TPPP: variants seen among roughly 807,000 people sequenced by gnomAD.
TPPP encodes tubulin polymerization promoting protein.
A neutral mutation model predicts 15.5 loss-of-function variants in TPPP; 6 were observed. The observed-to-expected ratio is 0.39, with a 90% confidence interval of 0.21 to 0.77. TPPP has a LOEUF of 0.77. TPPP is among the 30% of genes least tolerant of loss of function. The pLI is 0.42. For synonymous variants in TPPP, 146 were observed against 133.9 expected, an observed-to-expected ratio of 1.09 and a Z score of -0.63; for missense variants, 269 against 307.2, an observed-to-expected ratio of 0.88 and a Z score of 0.93.
the TPPP span, among the ~76,000 whole-genome samples, chr5:700,257 G>A: frequency 1.7e-4 from 26 of 152,106 alleles, no homozygotes; most frequent in South Asian, 6.2e-4. Context: ...AATACTACCC[G>A]TCCGTTAACA....
chr5:663,094 G>T lies in TPPP; in HGVS notation c.*2008C>A, dbSNP rs1739729250. On this transcript the variant is annotated 3_prime_UTR_variant, in exon 4 of 4. Coordinates refer to ENST00000360578, the MANE Select transcript of TPPP (RefSeq NM_007030.3). ...CCGATGACTGCTTGTCTGTGATTGGGCGATTCCGGTGGCCGCTCGTCTGTG... is the reference window on the plus strand; with the variant it reads ...CCGATGACTGCTTGTCTGTGATTGGTCGATTCCGGTGGCCGCTCGTCTGTG... 6.6e-6 allele frequency: 1 copy of T among 151,030 alleles called. No individual in the cohort carries two copies. Among genetic ancestry groups the T allele is most frequent in the South Asian group, 2.1e-4 (1 of 4,798 alleles). 9.4% of individuals were successfully genotyped at this position (151,030 alleles called of 1,614,324 possible). A position where few individuals can be genotyped will look rare whatever the true frequency, so the allele number is the denominator to read the frequency against.
chr5:678,257 C>T (rs1246954416), intron 1 of TPPP, among the ~76,000 whole-genome samples, 193 bp from the exon 2 acceptor site: 2 of 149,434 alleles, frequency 1.3e-5, no homozygotes, highest in Admixed American at 6.6e-5. Context: ...GCATGTCCAG[C>T]CCCGGGCAGA....
At chr5:684,521 A>G (rs1301262408) in intron 1 of TPPP, among the ~76,000 whole-genome samples, 1 of 151,888 alleles carries the variant, frequency 6.6e-6, no homozygotes, top group Non-Finnish European at 1.5e-5. Flanking sequence ...AGCCACTCTC[A>G]CAGCGGAAGG....
chr5:681,340 G>T (rs1373380813), intron 1 of TPPP, among the ~76,000 whole-genome samples: 1 of 152,134 alleles, frequency 6.6e-6, no homozygotes, highest in African/African-American at 2.4e-5. Context: ...AAGCTCCCAG[G>T]CGTGTACCCA....
intron 1 of TPPP, among the ~76,000 whole-genome samples, chr5:679,054 C>A (rs1433985598): frequency 2.6e-5 from 4 of 152,134 alleles, no homozygotes; most frequent in Non-Finnish European, 5.9e-5. Context: ...TGGCCTCTGC[C>A]CACAGACACA....
At chr5:669,866 ACACT>A (rs958434891) in intron 2 of TPPP, among the ~76,000 whole-genome samples, 2 of 151,914 alleles carry the variant, frequency 1.3e-5, no homozygotes, top group African/African-American at 4.8e-5. Flanking sequence ...TTCCCCAGAG[ACACT>A]CAGTCTGGCT....
Position 691,268 on chromosome 5 carries a change from G to C in TPPP, c.-5+2010C>G, listed in dbSNP as rs1418916381. Among the ~76,000 whole-genome samples, 2 of 52,218 alleles carry C rather than the reference G, an allele frequency of 3.8e-5. 1 individual carries two copies. The highest frequency in any genetic ancestry group is 6.8e-5 in the Non-Finnish European group (2 of 29,198). 34.3% of individuals were successfully genotyped at this position (52,218 alleles called of 152,430 possible). A position where few individuals can be genotyped will look rare whatever the true frequency, so the allele number is the denominator to read the frequency against. On this transcript the variant is annotated intron_variant, in intron 1 of 3. Transcript: ENST00000360578. Reference sequence around the variant, plus strand: ...AGCCCAGTTCAAGGCGGCGGCATCAGGCTGCAGCTGCCTCACTCCCCTCCA... The same window carrying C: ...AGCCCAGTTCAAGGCGGCGGCATCACGCTGCAGCTGCCTCACTCCCCTCCA...
At chr5:668,159 C>G (rs78353688) in intron 2 of TPPP, among the ~76,000 whole-genome samples, 7 of 60,968 alleles carry the variant, frequency 1.1e-4, no homozygotes, top group Admixed American at 3.7e-4. Context: ...AGGGAAGTAC[C>G]GACAAGCACA....
chr5:665,855 AG>A, intron 3 of TPPP, 114 bp downstream of exon 3: 4 of 21,198 alleles, frequency 1.9e-4, no homozygotes, highest in South Asian at 1.6e-3. Flanking sequence ...GACCCCCCCC[AG>A]GTCACGCCCC....
Position 670,413 on chromosome 5 carries a change from ATC to A in TPPP, c.312-4292_312-4291del, listed in dbSNP as rs138539560. Among the ~76,000 whole-genome samples, 326 of 152,160 alleles carry A rather than the reference ATC, an allele frequency of 2.1e-3. 1 individual carries two copies. The highest frequency in any genetic ancestry group is 7.6e-3 in the African/African-American group (316 of 41,518). On this transcript the variant is annotated intron_variant, in intron 2 of 3. Transcript: ENST00000360578. ...GGGAAGCTGGGGGCTGTGGAGGGGA[ATC>A]TCTGGGGAAACAGCCTCTCCCTGTA...
chr5:674,524 GAGTT>G (rs1349438992), intron 2 of TPPP, among the ~76,000 whole-genome samples: 1 of 152,134 alleles, frequency 6.6e-6, no homozygotes, highest in Non-Finnish European at 1.5e-5. Context: ...TTGGCAGAGT[GAGTT>G]CTGGGCTCAG....
chr5:697,434 A>T (rs1477251823), upstream of TPPP, among the ~76,000 whole-genome samples: 1 of 151,954 alleles, frequency 6.6e-6, no homozygotes, highest in Non-Finnish European at 1.5e-5. Flanking sequence ...AAAGATGTGG[A>T]CAGGAGCCCA....
intron 2 of TPPP, among the ~76,000 whole-genome samples, chr5:676,864 C>T (rs960219501): frequency 1.6e-4 from 23 of 148,360 alleles, no homozygotes; most frequent in African/African-American, 2.8e-4. Context: ...CGCGCACACA[C>T]GACGCAGAAA....
intron 3 of TPPP, 40 bp downstream of exon 3, chr5:665,930 A>ACCCCCTCCAGGCCCCGCCCCCC: frequency 8.2e-6 from 1 of 121,892 alleles, no homozygotes; most frequent in African/African-American, 1.9e-4. Flanking sequence ...CCCCGCCCCC[A>ACCCCCTCCAGGCCCCGCCCCCC]CCCCCTCCAG....
In TPPP at chr5:674,818, G is replaced by A. The variant is rs1003972533; in HGVS notation, c.311+2932C>T. 1.5e-4 allele frequency among the ~76,000 whole-genome samples: 23 copies of A among 151,748 alleles called. 1 individual carries two copies. The highest frequency in any genetic ancestry group is 2.2e-4 in the African/African-American group (9 of 41,156). ...TGGGCTGGTCTGTCCTCCAGGCAGC[G>A]GCTGACATAAGCCCTGTGGATGATG... On this transcript the variant is annotated intron_variant, in intron 2 of 3. Coordinates refer to ENST00000360578, the MANE Select transcript of TPPP (RefSeq NM_007030.3).
chr5:692,501 C>A, intron 1 of TPPP: 1 of 926,116 alleles, frequency 1.1e-6, no homozygotes, highest in Non-Finnish European at 1.3e-6. Flanking sequence ...ACAACAGCCC[C>A]CCCAAAACCC....
At chr5:700,509 G>A in the TPPP span, among the ~76,000 whole-genome samples, 2 of 151,786 alleles carry the variant, frequency 1.3e-5, no homozygotes, top group Non-Finnish European at 2.9e-5. Context: ...TCAGGCGATG[G>A]GTACACTAAA....
intron 1 of TPPP, among the ~76,000 whole-genome samples, chr5:678,932 G>A (rs1579191621): frequency 6.6e-6 from 1 of 152,152 alleles, no homozygotes; most frequent in Admixed American, 6.5e-5. Context: ...GTAAGACCCA[G>A]TCAGGCCCTG....
chr5:673,947 G>A (rs767247075), intron 2 of TPPP, among the ~76,000 whole-genome samples: 2 of 152,230 alleles, frequency 1.3e-5, no homozygotes, highest in Non-Finnish European at 2.9e-5. Flanking sequence ...GCAGGCGTGT[G>A]TGTGCACATG....
Sources: gnomAD v4.1 joint callset for allele counts (sites outside exome capture counted in the v4.1 genomes callset) on GRCh38, gnomAD v4.1.1 for gene constraint, MANE v1.5 for transcripts, NCBI Gene and HGNC (gene_info 2026-07-23, HGNC 2026-07-21) for gene names.